SPEG: variants seen among roughly 807,000 people sequenced by gnomAD.
SPEG encodes the protein striated muscle enriched protein kinase.
SPEG carries 114 observed loss-of-function variants against 300.4 expected under a neutral mutation model. The ratio of observed to expected loss-of-function variants is 0.38; its 90% CI spans 0.33 to 0.44. The LOEUF (loss-of-function observed/expected upper bound fraction) is 0.44, where lower values mean the gene tolerates loss of function less well. SPEG is among the 20% of genes least tolerant of loss of function. The pLI, the probability that SPEG is intolerant of heterozygous loss-of-function variation, is 1.00. For synonymous variants in SPEG, 1,964 were observed against 2,018.9 expected (o/e 0.97, Z 0.73); for missense variants, 4,201 against 4,586.2 (o/e 0.92, Z 2.43).
chr2:219,489,451 C>T lies in SPEG; in HGVS notation c.8433C>T (p.Ala2811=). 1 of 1,612,474 alleles carries T rather than the reference C, an allele frequency of 6.2e-7. No homozygotes were observed. Among genetic ancestry groups the T allele is most frequent in the Non-Finnish European group, 8.5e-7 (1 of 1,179,272 alleles). Residue 2811 remains alanine (A), a synonymous_variant, in exon 36 of 41, where the codon GCC becomes GCT. Transcript: ENST00000312358. ...TGGCCCCACCCCTAGCTCCTGCTGC[C>T]CCCACACCCCCGTCAGTCACTGTCA... ...TSLAPPLAPA[A]PTPPSVTVSP...
intron 13 of SPEG, 107 bp downstream of exon 13, chr2:219,469,486 AC>A: frequency 1.1e-6 from 1 of 931,152 alleles, no homozygotes; most frequent in South Asian, 1.6e-5. Flanking sequence ...CTGTAGCCTG[AC>A]CAGGGACAGG....
rs143744745 is a variant in SPEG at position 219,465,993 on chromosome 2, G to A, written c.2882-1181G>A. On this transcript the variant is annotated intron_variant, in intron 9 of 40. Transcript: ENST00000312358. ...CGTGTGTGTGCATGTGTGTGTGTGCGCGTGCGTGCGCGTATGCTGCACTAA... is the reference window on the plus strand; with the variant it reads ...CGTGTGTGTGCATGTGTGTGTGTGCACGTGCGTGCGCGTATGCTGCACTAA... 1.0e-4 allele frequency: 146 copies of A among 1,395,708 alleles called. 1 individual carries two copies. The highest frequency in any genetic ancestry group is 3.5e-4 in the Middle Eastern group (2 of 5,670). 86.5% of individuals were successfully genotyped at this position (1,395,708 alleles called of 1,614,324 possible).
At chr2:219,455,807 C>T (rs1055044742) in intron 6 of SPEG, among the ~76,000 whole-genome samples, 1 of 152,164 alleles carries the variant, frequency 6.6e-6, no homozygotes, top group Non-Finnish European at 1.5e-5. Context: ...TCCTTGCATG[C>T]CTGATGTGAG....
chr2:219,488,091 T>C, intron 31 of SPEG, 103 bp from the exon 32 acceptor site: 1 of 725,714 alleles, frequency 1.4e-6, no homozygotes, highest in South Asian at 1.7e-5. Context: ...CAAAGTTTCA[T>C]GCTGCTTCCT....
chr2:219,450,909 A>G, intron 4 of SPEG: 1 of 474,460 alleles, frequency 2.1e-6, no homozygotes, highest in Admixed American at 3.8e-5. Flanking sequence ...GGCCACACTA[A>G]CATGGAGTCA....
Position 219,448,582 on chromosome 2 carries a change from C to T in SPEG, c.1424C>T (p.Ala475Val). The change falls in exon 4 of 41, where the codon GCC becomes GTC. Residue 475 changes from alanine (A) to valine (V), a missense_variant. Physicochemically the swap from Ala to Val is moderately conservative, Grantham distance 64. This residue lies in a region of SPEG where 1,258 missense variants were observed against 1,293.9 expected (regional missense o/e 0.97). Transcript: ENST00000312358. ...ERRRLFQQKA[A>V]SLDERTRQRS... ...CGCCGCCTGTTCCAGCAGAAAGCGG[C>T]CTCGCTGGACGAGCGCACGCGTCAG... 3 of 1,454,776 alleles carry T rather than the reference C, an allele frequency of 2.1e-6. No individual in the cohort carries two copies. Among genetic ancestry groups the T allele is most frequent in the Non-Finnish European group, 2.7e-6 (3 of 1,110,838 alleles). The allele number at this position is 1,454,776 out of a possible 1,614,324, so 90.1% of individuals were successfully genotyped here.
chr2:219,489,752 G>A lies in SPEG; in HGVS notation c.8734G>A (p.Ala2912Thr). The change falls in exon 36 of 41, where the codon GCC becomes ACC. Residue 2912 changes from alanine (A) to threonine (T), a missense_variant. Around this residue, in one of 4 missense-constraint regions of SPEG, gnomAD observed 1,578 missense variants for 1,506.0 expected, o/e 1.05. Transcript: ENST00000312358. The stretch of plus-strand genomic sequence containing the variant: ...GACTTCCTTTGTGTCTGCACCACCA[G>A]CCCCTGAGCCCCCAGCCCCTGAGCC... The part of the protein sequence containing the change: ...VVTSFVSAPP[A>T]PEPPAPEPPP... 2 of 1,613,552 alleles carry A rather than the reference G, an allele frequency of 1.2e-6. No homozygotes were observed. Among genetic ancestry groups the A allele is most frequent in the Admixed American group, 1.7e-5 (1 of 60,008 alleles).
At chr2:219,471,081 G>T (rs947646081) in intron 13 of SPEG, among the ~76,000 whole-genome samples, 29 of 152,260 alleles carry the variant, frequency 1.9e-4, no homozygotes, top group African/African-American at 6.7e-4. Flanking sequence ...ATGAAAAGCA[G>T]CGTGGGCCAG....
intron 28 of SPEG, chr2:219,482,071 C>G: frequency 3.7e-6 from 1 of 271,756 alleles, no homozygotes; most frequent in Admixed American, 4.6e-5. Flanking sequence ...GTCTCAGCCC[C>G]TTGGTTATGA....
At chr2:219,468,307 G>T (rs776076448) in intron 10 of SPEG, among the ~76,000 whole-genome samples, 1 of 152,008 alleles carries the variant, frequency 6.6e-6, no homozygotes, top group African/African-American at 2.4e-5. Flanking sequence ...AGGGGAGGAG[G>T]GGGGAGCTGG....
At position 219,464,414 on chromosome 2, in the gene SPEG, G is replaced by C; in HGVS notation, c.2706-19G>C. ...TCAGGCCCCTGGGCCCTGGGACTGAGTTCTTGCCCCTCTGACAGGCTGAGA... is the reference window on the plus strand; with the variant it reads ...TCAGGCCCCTGGGCCCTGGGACTGACTTCTTGCCCCTCTGACAGGCTGAGA... On this transcript the variant is annotated intron_variant, in intron 8 of 40. Coordinates refer to ENST00000312358, the MANE Select transcript of SPEG (RefSeq NM_005876.5). The surrounding 1 kb of genome is among the most constrained non-coding windows in gnomAD (Gnocchi z 4.5). The C allele has an allele frequency of 6.2e-7, 1 of 1,602,676 alleles. No individual in the cohort carries two copies. Among genetic ancestry groups the C allele is most frequent in the Non-Finnish European group, 8.5e-7 (1 of 1,177,508 alleles).
intron 31 of SPEG, among the ~76,000 whole-genome samples, chr2:219,486,995 C>T (rs976107755): frequency 6.6e-6 from 1 of 152,120 alleles, no homozygotes; most frequent in African/African-American, 2.4e-5. Flanking sequence ...CTGCCTGGCT[C>T]ATCCCCACTC....
Position 219,464,365 on chromosome 2 carries a change from A to G in SPEG, c.2706-68A>G, listed in dbSNP as rs551610347. 2.5e-4 allele frequency: 377 copies of G among 1,488,946 alleles called. No homozygotes were observed. The highest frequency in any genetic ancestry group is 3.3e-4 in the Non-Finnish European group (363 of 1,097,258). 92.2% of individuals were successfully genotyped at this position (1,488,946 alleles called of 1,614,324 possible). Reference sequence around the variant, plus strand: ...GAAGGAGAGGCCTGCACAGTGCTGCAGCCCCAGTTCCTGTGCACGCACATC... The same window carrying G: ...GAAGGAGAGGCCTGCACAGTGCTGCGGCCCCAGTTCCTGTGCACGCACATC... On this transcript the variant is annotated intron_variant, in intron 8 of 40. Coordinates refer to ENST00000312358, the MANE Select transcript of SPEG (RefSeq NM_005876.5). This position sits in a 1 kb window ranked among gnomAD's most constrained non-coding sequence, Gnocchi z 4.5.
chr2:219,468,531 G>T, intron 10 of SPEG, 47 bp from the exon 11 acceptor site: 12 of 1,589,576 alleles, frequency 7.5e-6, no homozygotes, highest in Non-Finnish European at 8.6e-6. Context: ...TGGGATGCCT[G>T]GGCCTCCTTA....
Position 219,473,574 on chromosome 2 carries a change from TGC to T in SPEG, c.4219_4220del (p.Ala1407GlnfsTer37). 1 of 1,614,206 alleles carries T rather than the reference TGC, an allele frequency of 6.2e-7. No individual in the cohort carries two copies. The highest frequency in any genetic ancestry group is 8.5e-7 in the Non-Finnish European group (1 of 1,180,028). On this transcript the variant is annotated frameshift_variant, in exon 17 of 41. Coordinates refer to ENST00000312358, the MANE Select transcript of SPEG (RefSeq NM_005876.5). LOFTEE classifies it high-confidence loss of function. The surrounding 1 kb of genome is among the most constrained non-coding windows in gnomAD (Gnocchi z 4.6). The part of the protein sequence containing the change: ...DIVYVVEGQP[A>X]SVTVTFNHVE... ...TCGTGTATGTGGTGGAGGGACAGCC[TGC>T]CAGCGTCACCGTCACATTCAACCAT...
In SPEG at chr2:219,444,520, A is replaced by C; in HGVS notation, c.389-133A>C. 1.4e-6 allele frequency: 1 copy of C among 735,210 alleles called. No homozygotes were observed. Among genetic ancestry groups the C allele is most frequent in the Non-Finnish European group, 2.3e-6 (1 of 426,156 alleles). 45.5% of individuals were successfully genotyped at this position (735,210 alleles called of 1,614,324 possible). ...GGCTGGGCAGGGGATGTGGGGAGCAAAAGAGAGGAGGTGCTGGCAGCCCTG... is the reference window on the plus strand; with the variant it reads ...GGCTGGGCAGGGGATGTGGGGAGCACAAGAGAGGAGGTGCTGGCAGCCCTG... On this transcript the variant is annotated intron_variant, in intron 1 of 40. Transcript: ENST00000312358. The surrounding 1 kb of genome is among the most constrained non-coding windows in gnomAD (Gnocchi z 7.8).
rs1689786140 is a variant in SPEG, at chr2:219,451,872, C to T, written c.2440+65C>T. On this transcript the variant is annotated intron_variant, in intron 6 of 40. Coordinates refer to ENST00000312358, the MANE Select transcript of SPEG (RefSeq NM_005876.5). The surrounding 1 kb of genome is among the most constrained non-coding windows in gnomAD (Gnocchi z 6.4). ...CCGTGACTCTCCCCTGGCCCAGGCC[C>T]CAGTCCACCTCCCTTCCCACTCTCA... is the stretch of plus-strand genomic sequence containing the variant. 1.4e-6 allele frequency: 2 copies of T among 1,427,662 alleles called. No homozygotes were observed. Among genetic ancestry groups the T allele is most frequent in the Non-Finnish European group, 1.9e-6 (2 of 1,071,838 alleles). 88.4% of individuals were successfully genotyped at this position (1,427,662 alleles called of 1,614,324 possible).
Position 219,451,667 on chromosome 2 carries a change from G to A in SPEG, c.2300G>A (p.Arg767His), listed in dbSNP as rs749288521. 2.5e-5 allele frequency: 39 copies of A among 1,587,482 alleles called. No individual in the cohort carries two copies. In the East Asian group the frequency reaches 4.6e-4, roughly 19 times the overall value. ...KDGSALRSEG[R>H]LLLRAEGERH... ...GGGTCAGCGCTGCGCAGCGAGGGCC[G>A]CCTCCTCCTCCGGGCTGAGGGTGAG... is the stretch of plus-strand genomic sequence containing the variant. Residue 767 changes from arginine to histidine, a missense_variant, in exon 6 of 41, where the codon CGC becomes CAC. By Grantham distance (29) the Arg-to-His change is conservative. Around this residue, in one of 4 missense-constraint regions of SPEG, gnomAD observed 1,258 missense variants for 1,293.9 expected, o/e 0.97. Coordinates refer to ENST00000312358, the MANE Select transcript of SPEG (RefSeq NM_005876.5). This position sits in a 1 kb window ranked among gnomAD's most constrained non-coding sequence, Gnocchi z 6.4.
chr2:219,493,079 G>A lies in SPEG; in HGVS notation c.*293G>A. On this transcript the variant is annotated 3_prime_UTR_variant, in exon 41 of 41. Transcript: ENST00000312358. Reference sequence around the variant, plus strand: ...GAAGTGGAGAGGAAAAGGAATCGAGGGACAGGAAGGGGGAGGCTCTAGGAA... The same window carrying A: ...GAAGTGGAGAGGAAAAGGAATCGAGAGACAGGAAGGGGGAGGCTCTAGGAA... The A allele has an allele frequency of 4.6e-6, 3 of 649,256 alleles. No individual in the cohort carries two copies. Among genetic ancestry groups the A allele is most frequent in the Non-Finnish European group, 8.5e-6 (3 of 351,530 alleles). The allele number at this position is 649,256 out of a possible 1,614,324, so 40.2% of individuals were successfully genotyped here.
Sources: gnomAD v4.1 joint callset for allele counts (sites outside exome capture counted in the v4.1 genomes callset) on GRCh38, gnomAD v4.1.1 for gene constraint, gnomAD v4.1.1 regional missense constraint, Gnocchi (gnomAD v3.1) non-coding constraint, MANE v1.5 for transcripts, NCBI Gene and HGNC (gene_info 2026-07-23, HGNC 2026-07-21) for gene names.